The following DLG2 variants were observed in gnomAD, a reference collection of about 807,000 sequenced individuals.
The protein encoded by DLG2 is discs large MAGUK scaffold protein 2.
A neutral mutation model predicts 132.5 loss-of-function variants in DLG2; 45 were observed. The observed-to-expected ratio is 0.34, with a 90% CI of 0.27 to 0.44. The LOEUF (loss-of-function observed/expected upper bound fraction) is 0.44. Ranked by LOEUF, DLG2 falls within the 20% of genes least tolerant of loss-of-function variation. DLG2 has a pLI of 1.00. For missense variants in DLG2, 1,045 were observed against 1,196.9 expected (o/e 0.87, Z 1.87); for synonymous variants, 424 against 419.6 (o/e 1.01, Z -0.13).
chr11:85,550,582 T>A (rs1308750761), intron 3 of DLG2, among the ~76,000 whole-genome samples: 1 of 152,064 alleles, frequency 6.6e-6, no homozygotes, highest in African/African-American at 2.4e-5. Flanking sequence ...CCAGGAGGAG[T>A]TGAGAGCGGC....
At chr11:84,841,097 G>A (rs2080611021) in intron 6 of DLG2, among the ~76,000 whole-genome samples, 1 of 151,502 alleles carries the variant, frequency 6.6e-6, no homozygotes, top group Non-Finnish European at 1.5e-5. Flanking sequence ...CAGTAAAAAT[G>A]ATCACATAAG....
intron 4 of DLG2, among the ~76,000 whole-genome samples, chr11:85,202,435 T>C (rs2081540875): frequency 6.6e-6 from 1 of 152,080 alleles, no homozygotes; most frequent in South Asian, 2.1e-4. Flanking sequence ...TAAACTGCGA[T>C]ATAATAGCAT....
chr11:85,147,968 T>C (rs186924011), intron 5 of DLG2, among the ~76,000 whole-genome samples: 29 of 152,238 alleles, frequency 1.9e-4, no homozygotes, highest in African/African-American at 7.0e-4. Context: ...GTGTTCTCAT[T>C]GTACAACTCC....
intron 7 of DLG2, among the ~76,000 whole-genome samples, chr11:84,510,988 C>G (rs2099255673): frequency 6.6e-6 from 1 of 152,118 alleles, no homozygotes; most frequent in Non-Finnish European, 1.5e-5. Flanking sequence ...TTACATGGAA[C>G]ATATCCTTCC....
intron 6 of DLG2, among the ~76,000 whole-genome samples, chr11:84,765,975 G>A (rs2068354071): frequency 6.6e-6 from 1 of 151,952 alleles, no homozygotes. Context: ...CTCTCTGAAA[G>A]CACACAAACA....
At chr11:85,272,409 A>G (rs2077592431) in intron 4 of DLG2, among the ~76,000 whole-genome samples, 1 of 152,194 alleles carries the variant, frequency 6.6e-6, no homozygotes, top group Non-Finnish European at 1.5e-5. Flanking sequence ...AATTGTGGAG[A>G]CTGATATGTC....
rs34648391 is a variant in DLG2, at chr11:83,848,124, CTTT to C, written c.1566-14357_1566-14355del. On this transcript the variant is annotated intron_variant, in intron 16 of 27. Transcript: ENST00000376104. ...CTCCATCTAAACTAGTCCCCCACAC[CTTT>C]TTTTTTTTTTTTTTTAATCACGGCA... 4.6e-3 allele frequency among the ~76,000 whole-genome samples: 611 copies of C among 132,784 alleles called. 2 individuals are homozygous for C. Among genetic ancestry groups the C allele is most frequent in the Non-Finnish European group, 7.3e-3 (461 of 63,208 alleles). 87.1% of individuals were successfully genotyped at this position (132,784 alleles called of 152,430 possible).
intron 7 of DLG2, among the ~76,000 whole-genome samples, chr11:84,313,641 A>AAAAAGAAAG (rs2098320854): frequency 7.7e-6 from 1 of 129,180 alleles, no homozygotes; most frequent in Non-Finnish European, 1.6e-5. Context: ...GAAAGAGAGA[A>AAAAAGAAAG]AAAGAAAGAA....
rs535079074 is a variant in DLG2, at chr11:84,061,884, T to A, written c.750-2400A>T. 5.3e-5 allele frequency among the ~76,000 whole-genome samples: 8 copies of A among 149,770 alleles called. No homozygotes were observed. The South Asian group carries it at 1.7e-3, about 32-fold the overall frequency. On this transcript the variant is annotated intron_variant, in intron 10 of 27. Transcript: ENST00000376104. ...AAAAAAAAAAAGGGAAACTACCAAT[T>A]AAAATAGTTTTGAGAATGTAGGCAT...
chr11:83,812,588 C>G (rs1594797194), intron 17 of DLG2, among the ~76,000 whole-genome samples: 1 of 152,064 alleles, frequency 6.6e-6, no homozygotes, highest in Non-Finnish European at 1.5e-5. Flanking sequence ...TCCTATAATC[C>G]CACCATTTGA....
At chr11:84,605,557 T>C (rs940183203) in intron 6 of DLG2, among the ~76,000 whole-genome samples, 1 of 149,650 alleles carries the variant, frequency 6.7e-6, no homozygotes, top group African/African-American at 2.5e-5. Context: ...CATCCATTTA[T>C]GAGGGACAAT....
chr11:85,530,160 C>T (rs2075097191), intron 3 of DLG2, among the ~76,000 whole-genome samples: 1 of 151,544 alleles, frequency 6.6e-6, no homozygotes, highest in African/African-American at 2.4e-5. Context: ...CCACACCCAG[C>T]TAATTTTGGA....
intron 3 of DLG2, chr11:85,453,000 C>T (rs925131371): frequency 9.0e-5 from 17 of 188,616 alleles, no homozygotes; most frequent in Middle Eastern, 2.7e-3. Flanking sequence ...TATTTGAACC[C>T]GAGCCATCTC....
At chr11:84,185,704 G>A (rs1566859101) in intron 8 of DLG2, among the ~76,000 whole-genome samples, 1 of 152,130 alleles carries the variant, frequency 6.6e-6, no homozygotes. Flanking sequence ...TATTGGCTGT[G>A]GGTTTGTCAT....
At chr11:84,815,345 T>C (rs556497409) in intron 6 of DLG2, among the ~76,000 whole-genome samples, 20 of 152,192 alleles carry the variant, frequency 1.3e-4, no homozygotes, top group Non-Finnish European at 1.5e-5. Flanking sequence ...CATGGAATCC[T>C]GGTTTAGTCA....
At chr11:83,464,271 A>G (rs2090599833) in intron 26 of DLG2, among the ~76,000 whole-genome samples, 1 of 152,202 alleles carries the variant, frequency 6.6e-6, no homozygotes, top group Non-Finnish European at 1.5e-5. Flanking sequence ...AGAGTCAGCT[A>G]TGTATGTGCT....
chr11:83,993,425 G>A (rs1168697326), intron 11 of DLG2, among the ~76,000 whole-genome samples: 4 of 152,092 alleles, frequency 2.6e-5, no homozygotes, highest in African/African-American at 4.8e-5. Flanking sequence ...TATATTGGCT[G>A]GTGAAGAATT....
At chr11:84,046,402 T>A (rs1212987883) in intron 11 of DLG2, among the ~76,000 whole-genome samples, 4 of 151,500 alleles carry the variant, frequency 2.6e-5, no homozygotes, top group Non-Finnish European at 5.9e-5. Flanking sequence ...TTCAGTTGAT[T>A]CAAATAAATG....
At chr11:84,152,745 G>A (rs181326479) in intron 9 of DLG2, among the ~76,000 whole-genome samples, 912 of 152,172 alleles carry the variant, frequency 6.0e-3, no homozygotes, top group Non-Finnish European at 0.011. Context: ...TTGAGACTGT[G>A]GTTGTCATTA....
Sources: gnomAD v4.1 joint callset for allele counts (sites outside exome capture counted in the v4.1 genomes callset) on GRCh38, gnomAD v4.1.1 for gene constraint, MANE v1.5 for transcripts, NCBI Gene and HGNC (gene_info 2026-07-23, HGNC 2026-07-21) for gene names.